TLN2: variants seen among roughly 807,000 people sequenced by gnomAD.
TLN2 encodes talin 2.
In TLN2, 118 loss-of-function variants were observed where a neutral mutation model predicts 294.7. That is an observed-to-expected ratio of 0.40 (90% CI 0.34 to 0.47). The LOEUF (loss-of-function observed/expected upper bound fraction) is 0.47. Among genes scored for constraint, TLN2 ranks in the 20% least tolerant of loss-of-function variants. The pLI is 0.84. For missense variants in TLN2, 3,083 were observed against 3,282.2 expected (o/e 0.94, Z 1.48); for synonymous variants, 1,431 against 1,304.5 (o/e 1.10, Z -2.09).
intron 1 of TLN2, among the ~76,000 whole-genome samples, chr15:62,529,332 A>C (rs1396089334): frequency 6.6e-6 from 1 of 152,060 alleles, no homozygotes; most frequent in Admixed American, 6.6e-5. Context: ...GGACTCAGGC[A>C]ATCTTCCCAC....
chr15:62,614,706 A>G, intron 2 of TLN2, among the ~76,000 whole-genome samples: 1 of 152,372 alleles, frequency 6.6e-6, no homozygotes, highest in South Asian at 2.1e-4. Flanking sequence ...AACCTAAAAC[A>G]TAGGCATTTA....
chr15:62,632,296 A>G (rs1175171619), intron 3 of TLN2, among the ~76,000 whole-genome samples: 1 of 152,208 alleles, frequency 6.6e-6, no homozygotes, highest in African/African-American at 2.4e-5. Context: ...TTGTCTGGAA[A>G]GGTCGAGAAG....
chr15:62,434,859 G>C (rs1293888651), intron 1 of TLN2, among the ~76,000 whole-genome samples: 4 of 152,170 alleles, frequency 2.6e-5, no homozygotes, highest in Admixed American at 2.6e-4. Flanking sequence ...TTGCTGCACA[G>C]ATCAACCCAT....
chr15:62,402,922 A>G (rs759749796), intron 1 of TLN2, among the ~76,000 whole-genome samples: 3 of 152,182 alleles, frequency 2.0e-5, no homozygotes, highest in Admixed American at 6.5e-5. Context: ...CATCAGAAAC[A>G]TGCAGTAGTA....
chr15:62,557,382 C>G (rs2042665643), intron 1 of TLN2, among the ~76,000 whole-genome samples: 1 of 152,072 alleles, frequency 6.6e-6, no homozygotes, highest in African/African-American at 2.4e-5. Context: ...TGTCACGTAC[C>G]AAATATAAAA....
intron 44 of TLN2, among the ~76,000 whole-genome samples, chr15:62,781,659 A>G (rs2064180824): frequency 1.3e-5 from 2 of 152,204 alleles, no homozygotes; most frequent in South Asian, 4.1e-4. Flanking sequence ...TAAAATAGAG[A>G]TGAGATTATC....
chr15:62,750,715 T>A (rs1191586791), intron 34 of TLN2, among the ~76,000 whole-genome samples: 1 of 152,202 alleles, frequency 6.6e-6, no homozygotes, highest in African/African-American at 2.4e-5. Flanking sequence ...CCCCCAAGTT[T>A]CTGTTTCAGT....
At chr15:62,659,799 A>G (rs372168110) in intron 9 of TLN2, among the ~76,000 whole-genome samples, 6 of 152,232 alleles carry the variant, frequency 3.9e-5, no homozygotes, top group East Asian at 1.9e-4. Context: ...AAATTAGGTA[A>G]TGAGGCATTT....
At chr15:62,730,046 TTG>T (rs2060637021) in intron 28 of TLN2, among the ~76,000 whole-genome samples, 1 of 50,662 alleles carries the variant, frequency 2.0e-5, no homozygotes, top group Non-Finnish European at 5.3e-5. Flanking sequence ...TTTTTTTTTT[TTG>T]AAATGGAGTC....
chr15:62,766,749 C>T (rs946893536), intron 41 of TLN2, among the ~76,000 whole-genome samples: 1 of 152,216 alleles, frequency 6.6e-6, no homozygotes, highest in South Asian at 2.1e-4. Flanking sequence ...AGCAGACACT[C>T]CTAGCCTGGA....
chr15:62,690,173 C>T (rs1420507169), intron 12 of TLN2: 2 of 156,350 alleles, frequency 1.3e-5, no homozygotes, highest in Non-Finnish European at 2.7e-5. Context: ...CCCTCCCGGA[C>T]GGGGTGGCTG....
intron 52 of TLN2, among the ~76,000 whole-genome samples, chr15:62,817,534 G>A (rs188238173): frequency 9.8e-4 from 150 of 152,310 alleles, no homozygotes; most frequent in East Asian, 2.9e-3. Flanking sequence ...CCATTTGTGC[G>A]TACGCATAAT....
In TLN2 at chr15:62,647,336, G is replaced by A. The variant is rs753752860; in HGVS notation, c.26G>A (p.Cys9Tyr). 3.1e-6 allele frequency: 5 copies of A among 1,614,026 alleles called. No individual in the cohort carries two copies. The South Asian group carries it at 4.4e-5, about 14-fold the overall frequency. ...ATGGTGGCCCTGTCCTTAAAGATTT[G>A]TGTGCGCCACTGCAACGTGGTGAAG... MVALSLKI[C>Y]VRHCNVVKTM... The change falls in exon 4 of 59, where the codon TGT becomes TAT. Residue 9 changes from cysteine (C) to tyrosine (Y), a missense_variant. Coordinates refer to ENST00000636159, the MANE Select transcript of TLN2 (RefSeq NM_015059.3).
intron 3 of TLN2, among the ~76,000 whole-genome samples, chr15:62,645,723 T>C (rs1313908835): frequency 6.6e-6 from 1 of 152,166 alleles, no homozygotes; most frequent in Non-Finnish European, 1.5e-5. Flanking sequence ...GGGAAGAAGC[T>C]GGAGTCCAGG....
In TLN2 at chr15:62,841,172, T is replaced by A. The variant is rs2070650366; in HGVS notation, c.*562T>A. On this transcript the variant is annotated 3_prime_UTR_variant, in exon 59 of 59. Coordinates refer to ENST00000636159, the MANE Select transcript of TLN2 (RefSeq NM_015059.3). ...AGGGGGTGAAAAATTCCCGCCCCTGTTTGCACGCTTTCTTGCCTCCGTGTG... is the reference window on the plus strand; with the variant it reads ...AGGGGGTGAAAAATTCCCGCCCCTGATTGCACGCTTTCTTGCCTCCGTGTG... The A allele has an allele frequency of 1.3e-5, 2 of 152,756 alleles. No individual in the cohort carries two copies. The allele number at this position is 152,756 out of a possible 1,614,324, so 9.5% of individuals were successfully genotyped here. A position where few individuals can be genotyped will look rare whatever the true frequency, so the allele number is the denominator to read the frequency against.
chr15:62,460,509 C>T (rs1281537749), intron 1 of TLN2, among the ~76,000 whole-genome samples: 2 of 152,002 alleles, frequency 1.3e-5, no homozygotes, highest in African/African-American at 4.8e-5. Context: ...GTGATCCACC[C>T]GCCTCGGCCT....
chr15:62,471,183 A>G (rs1277253352), intron 1 of TLN2, among the ~76,000 whole-genome samples: 2 of 152,162 alleles, frequency 1.3e-5, no homozygotes, highest in African/African-American at 2.4e-5. Flanking sequence ...TGCCTCTACA[A>G]AAAATTAGCT....
intron 44 of TLN2, 69 bp from the exon 45 acceptor site, chr15:62,783,702 G>T: frequency 6.7e-7 from 1 of 1,490,640 alleles, no homozygotes. Context: ...ATTAACACAT[G>T]GTTCTCATGC....
At chr15:62,540,995 C>T (rs2041652336) in intron 1 of TLN2, among the ~76,000 whole-genome samples, 1 of 152,084 alleles carries the variant, frequency 6.6e-6, no homozygotes. Context: ...AGGATGACTA[C>T]CCAGGTCAGG....
Sources: gnomAD v4.1 joint callset for allele counts (sites outside exome capture counted in the v4.1 genomes callset) on GRCh38, gnomAD v4.1.1 for gene constraint, MANE v1.5 for transcripts, NCBI Gene and HGNC (gene_info 2026-07-23, HGNC 2026-07-21) for gene names.